Variants in CACUL1 observed in about 807,000 individuals in gnomAD.
CACUL1 encodes the protein CDK2 associated cullin domain 1, also known as CDK2-associated and cullin domain-containing protein 1.
CACUL1 carries 13 observed loss-of-function variants against 45.2 expected under a neutral mutation model. That is an observed-to-expected ratio of 0.29 (90% CI 0.19 to 0.46). The LOEUF (loss-of-function observed/expected upper bound fraction) is 0.46. Ranked by LOEUF, CACUL1 falls within the 20% of genes least tolerant of loss-of-function variation. The probability of loss-of-function intolerance (pLI) is 1.00; values close to 1 mark genes in which losing one functional copy is unlikely to be tolerated. For synonymous variants in CACUL1, 197 were observed against 174.2 expected (o/e 1.13, Z -1.03); for missense variants, 421 against 471.4 (o/e 0.89, Z 0.99).
chr10:118,676,733 A>G lies in CACUL1; in HGVS notation c.*9395T>C, dbSNP rs193080530. 4 of 152,302 alleles carry G rather than the reference A, an allele frequency of 2.6e-5. No homozygotes were observed. The highest frequency in any genetic ancestry group is 2.0e-4 in the Admixed American group (3 of 15,308). The allele number at this position is 152,302 out of a possible 1,614,324, so 9.4% of individuals were successfully genotyped here. ...TTATTAACCACAAATACCACAAACA[A>G]TATTTTAAAACATTTTTACTTCATC... is the stretch of plus-strand genomic sequence containing the variant. On this transcript the variant is annotated 3_prime_UTR_variant, in exon 9 of 9. Coordinates refer to ENST00000369151, the MANE Select transcript of CACUL1 (RefSeq NM_153810.5).
chr10:118,745,345 T>C (rs975009148), intron 1 of CACUL1, among the ~76,000 whole-genome samples: 1 of 151,942 alleles, frequency 6.6e-6, no homozygotes, highest in Admixed American at 6.6e-5. Flanking sequence ...GTGGATCACC[T>C]GAGGTCAGGA....
At chr10:118,700,082 A>C (rs749536682) in intron 5 of CACUL1, among the ~76,000 whole-genome samples, 1 of 152,158 alleles carries the variant, frequency 6.6e-6, no homozygotes, top group African/African-American at 2.4e-5. Flanking sequence ...AACTTGCCCC[A>C]TGCTTGATAA....
At chr10:118,694,911 G>A (rs1845307569) in intron 6 of CACUL1, 1 of 372,490 alleles carries the variant, frequency 2.7e-6, no homozygotes, top group Non-Finnish European at 5.1e-6. Flanking sequence ...TTTATTTCTT[G>A]TATTTCCCTC....
At chr10:118,739,696 TC>T (rs1485526215) in intron 1 of CACUL1, among the ~76,000 whole-genome samples, 1 of 152,194 alleles carries the variant, frequency 6.6e-6, no homozygotes, top group Admixed American at 6.5e-5. Flanking sequence ...ATCTGGGAAG[TC>T]CCTGAGTGGC....
At chr10:118,753,575 A>G (rs1323426971) in intron 1 of CACUL1, among the ~76,000 whole-genome samples, 1 of 152,260 alleles carries the variant, frequency 6.6e-6, no homozygotes, top group Non-Finnish European at 1.5e-5. Context: ...TTTCCTAGCT[A>G]TGGAAGCATA....
At position 118,754,939 on chromosome 10, in the gene CACUL1, G is replaced by A. The variant is rs897910172; in HGVS notation, c.-177C>T. ...CCGCGGGGCCGACTAGCTTGAAGAC[G>A]CGGCTGACGGCGGTGGGCGCTCCGG... On this transcript the variant is annotated 5_prime_UTR_variant, in exon 1 of 9. Transcript: ENST00000369151. 46 of 784,104 alleles carry A rather than the reference G, an allele frequency of 5.9e-5. No individual in the cohort carries two copies. Among genetic ancestry groups the A allele is most frequent in the Non-Finnish European group, 8.0e-5 (43 of 536,810 alleles). 48.6% of individuals were successfully genotyped at this position (784,104 alleles called of 1,614,324 possible).
At chr10:118,739,982 T>C (rs887290555) in intron 1 of CACUL1, among the ~76,000 whole-genome samples, 1 of 152,060 alleles carries the variant, frequency 6.6e-6, no homozygotes, top group Non-Finnish European at 1.5e-5. Flanking sequence ...CCGTCTCTAC[T>C]AAAAGTACAA....
chr10:118,699,890 C>T (rs1159483512), intron 5 of CACUL1, among the ~76,000 whole-genome samples: 8 of 152,050 alleles, frequency 5.3e-5, no homozygotes, highest in Admixed American at 3.9e-4. Context: ...CCTCGTGATC[C>T]GCCGGCCTCA....
intron 7 of CACUL1, among the ~76,000 whole-genome samples, chr10:118,690,394 A>C (rs1845253205): frequency 6.6e-6 from 1 of 151,728 alleles, no homozygotes; most frequent in African/African-American, 2.4e-5. Context: ...GATACAGGCT[A>C]TTTTCTCATG....
At chr10:118,715,835 G>C (rs115606887) in intron 3 of CACUL1, among the ~76,000 whole-genome samples, 1 of 152,170 alleles carries the variant, frequency 6.6e-6, no homozygotes, top group Non-Finnish European at 1.5e-5. Context: ...AAGTAGACAA[G>C]AAGGGATGGA....
At chr10:118,696,391 C>T (rs998970742) in intron 5 of CACUL1, among the ~76,000 whole-genome samples, 1 of 152,160 alleles carries the variant, frequency 6.6e-6, no homozygotes, top group Admixed American at 6.5e-5. Flanking sequence ...GCCTGTAATC[C>T]CAACACTTTG....
chr10:118,720,672 A>T (rs997935034), intron 3 of CACUL1, among the ~76,000 whole-genome samples: 1 of 152,222 alleles, frequency 6.6e-6, no homozygotes, highest in East Asian at 1.9e-4. Flanking sequence ...AAGCCAGCAT[A>T]TGTTTTTGTA....
chr10:118,694,026 G>A (rs913699188), intron 6 of CACUL1, among the ~76,000 whole-genome samples: 6 of 152,120 alleles, frequency 3.9e-5, no homozygotes, highest in African/African-American at 1.4e-4. Context: ...CACCATACCA[G>A]GCTAATTTTT....
At chr10:118,708,572 C>T (rs924086752) in intron 3 of CACUL1, among the ~76,000 whole-genome samples, 1 of 152,144 alleles carries the variant, frequency 6.6e-6, no homozygotes, top group Non-Finnish European at 1.5e-5. Flanking sequence ...AGAATATAGA[C>T]TGTGTTCCTC....
intron 1 of CACUL1, among the ~76,000 whole-genome samples, chr10:118,750,437 A>G (rs1478738023): frequency 6.6e-6 from 1 of 152,252 alleles, no homozygotes; most frequent in African/African-American, 2.4e-5. Flanking sequence ...GATCAAATCC[A>G]AAGTGACTCC....
intron 1 of CACUL1, among the ~76,000 whole-genome samples, chr10:118,739,430 G>A (rs905135468): frequency 2.6e-5 from 4 of 152,078 alleles, no homozygotes; most frequent in Non-Finnish European, 5.9e-5. Flanking sequence ...GGGAAAAAAC[G>A]AATGGCACCT....
At chr10:118,747,277 A>G (rs1385524614) in intron 1 of CACUL1, among the ~76,000 whole-genome samples, 1 of 152,234 alleles carries the variant, frequency 6.6e-6, no homozygotes, top group Non-Finnish European at 1.5e-5. Flanking sequence ...CAATTAAGTA[A>G]GTGGAGCAAC....
intron 1 of CACUL1, among the ~76,000 whole-genome samples, chr10:118,738,889 T>C (rs1302285708): frequency 1.5e-5 from 1 of 68,922 alleles, no homozygotes; most frequent in Non-Finnish European, 3.3e-5. Context: ...ATCCAAGTGC[T>C]CTTAAAAAAA....
Position 118,754,858 on chromosome 10 carries a change from C to T in CACUL1, c.-96G>A. The T allele has an allele frequency of 2.0e-6, 3 of 1,464,550 alleles. No homozygotes were observed. Among genetic ancestry groups the T allele is most frequent in the East Asian group, 5.1e-5 (2 of 39,380 alleles). 90.7% of individuals were successfully genotyped at this position (1,464,550 alleles called of 1,614,324 possible). A position where few individuals can be genotyped will look rare whatever the true frequency, so the allele number is the denominator to read the frequency against. ...CCGCTGCCTCCCCGAGTTACATCGC[C>T]GGCGGCAGGAATGGGCGCAGCGGAG... On this transcript the variant is annotated 5_prime_UTR_variant, in exon 1 of 9. Coordinates refer to ENST00000369151, the MANE Select transcript of CACUL1 (RefSeq NM_153810.5).
Sources: gnomAD v4.1 joint callset for allele counts (sites outside exome capture counted in the v4.1 genomes callset) on GRCh38, gnomAD v4.1.1 for gene constraint, MANE v1.5 for transcripts, NCBI Gene and HGNC (gene_info 2026-07-23, HGNC 2026-07-21) for gene names.